Variants in TEKT1 observed in about 807,000 individuals in gnomAD.
TEKT1 encodes the protein tektin 1, also known as tektin-1.
TEKT1 carries 32 observed loss-of-function variants against 34.8 expected under a neutral mutation model. The observed-to-expected ratio is 0.92, with a 90% CI of 0.69 to 1.23. The LOEUF (loss-of-function observed/expected upper bound fraction) is 1.23. TEKT1 is among the 50% of genes most tolerant of loss of function. The pLI is 0.00. For missense variants in TEKT1, 492 were observed against 518.5 expected, an observed-to-expected ratio of 0.95 and a Z score of 0.50; for synonymous variants, 207 against 199.8, an observed-to-expected ratio of 1.04 and a Z score of -0.30.
chr17:6,820,701 C>G (rs143809683), intron 2 of TEKT1, among the ~76,000 whole-genome samples: 121 of 152,242 alleles, frequency 7.9e-4, no homozygotes, highest in Middle Eastern at 3.4e-3. Flanking sequence ...GAGTTGCTCT[C>G]TAGTTTGCTG....
chr17:6,812,258 A>G (rs1464411751), intron 6 of TEKT1, among the ~76,000 whole-genome samples: 2 of 152,028 alleles, frequency 1.3e-5, no homozygotes, highest in African/African-American at 4.8e-5. Flanking sequence ...AGTCAATTAA[A>G]CCTCTTTCCT....
At position 6,811,323 on chromosome 17, in the gene TEKT1, TG is replaced by T. The variant is rs1976925393; in HGVS notation, c.852+1507del. ...TATGCAAAATGTGTGTGTGTGTGTGTGTGTGTGTGTGAAATGTATACATGCC... is the reference window on the plus strand; with the variant it reads ...TATGCAAAATGTGTGTGTGTGTGTGTTGTGTGTGTGAAATGTATACATGCC... On this transcript the variant is annotated intron_variant, in intron 6 of 7. Coordinates refer to ENST00000338694, the MANE Select transcript of TEKT1 (RefSeq NM_053285.2). The surrounding 1 kb of genome is among the most constrained non-coding windows in gnomAD (Gnocchi z 4.4). 2.0e-5 allele frequency among the ~76,000 whole-genome samples: 3 copies of T among 152,086 alleles called. No individual in the cohort carries two copies. The highest frequency in any genetic ancestry group is 2.0e-4 in the Admixed American group (3 of 15,266).
At chr17:6,815,742 T>C in intron 4 of TEKT1, 92 bp downstream of exon 4, 1 of 1,560,484 alleles carries the variant, frequency 6.4e-7, no homozygotes, top group Non-Finnish European at 8.7e-7. Context: ...TTGAACCCCT[T>C]TCTTTCTGTG....
intron 4 of TEKT1, among the ~76,000 whole-genome samples, 189 bp downstream of exon 4, chr17:6,815,643 CAG>C (rs1828284321): frequency 6.6e-6 from 1 of 152,182 alleles, no homozygotes; most frequent in Admixed American, 6.5e-5. Context: ...CCACCCTTAC[CAG>C]AGGGCGGCTG....
At chr17:6,815,996 C>A (rs370816467) in intron 3 of TEKT1, 34 bp from the exon 4 acceptor site, 2 of 1,611,596 alleles carry the variant, frequency 1.2e-6, no homozygotes, top group East Asian at 4.5e-5. Context: ...TCAGCCAACA[C>A]GTGCAACATG....
At chr17:6,803,093 T>C (rs1001984215) in intron 6 of TEKT1, among the ~76,000 whole-genome samples, 1 of 152,068 alleles carries the variant, frequency 6.6e-6, no homozygotes, top group African/African-American at 2.4e-5. Context: ...AAAGTGTTCC[T>C]ATTTCTCCAC....
chr17:6,810,714 A>C (rs945380142), intron 6 of TEKT1, among the ~76,000 whole-genome samples: 1 of 152,150 alleles, frequency 6.6e-6, no homozygotes, highest in Non-Finnish European at 1.5e-5. Flanking sequence ...ATGTATCACC[A>C]TACAGTGACA....
At chr17:6,814,281 A>T (rs528362051) in intron 5 of TEKT1, among the ~76,000 whole-genome samples, 1 of 152,354 alleles carries the variant, frequency 6.6e-6, no homozygotes, top group South Asian at 2.1e-4. Flanking sequence ...ACAGCAAAAG[A>T]TAACTAACAC....
rs1045445849 is a variant in TEKT1, at chr17:6,811,927, A to C, written c.852+904T>G. 6.6e-6 allele frequency among the ~76,000 whole-genome samples: 1 copy of C among 152,116 alleles called. No individual in the cohort carries two copies. Among genetic ancestry groups the C allele is most frequent in the African/African-American group, 2.4e-5 (1 of 41,430 alleles). On this transcript the variant is annotated intron_variant, in intron 6 of 7. Coordinates refer to ENST00000338694, the MANE Select transcript of TEKT1 (RefSeq NM_053285.2). This position sits in a 1 kb window ranked among gnomAD's most constrained non-coding sequence, Gnocchi z 4.4. ...CGATATCTGTGGTACAAATGCTCCC[A>C]CTTTGTATTTGCAGTACAAATACTA...
intron 6 of TEKT1, among the ~76,000 whole-genome samples, chr17:6,810,530 A>G (rs574796186): frequency 5.3e-5 from 8 of 152,330 alleles, no homozygotes; most frequent in Admixed American, 2.0e-4. Context: ...AATGCCCATA[A>G]ATAAAGCTGT....
chr17:6,815,023 A>G, intron 5 of TEKT1, 140 bp downstream of exon 5: 4 of 1,024,684 alleles, frequency 3.9e-6, no homozygotes, highest in Non-Finnish European at 5.7e-6. Flanking sequence ...CCCAATGTCA[A>G]GGTCACCATT....
chr17:6,828,107 A>G (rs1390200735), intron 2 of TEKT1, among the ~76,000 whole-genome samples: 1 of 151,664 alleles, frequency 6.6e-6, no homozygotes, highest in Non-Finnish European at 1.5e-5. Context: ...ACCATGCCCC[A>G]CTAATTTTTT....
intron 6 of TEKT1, among the ~76,000 whole-genome samples, chr17:6,803,095 T>C (rs1335748927): frequency 6.6e-6 from 1 of 152,054 alleles, no homozygotes; most frequent in East Asian, 1.9e-4. Flanking sequence ...AGTGTTCCTA[T>C]TTCTCCACAT....
rs1273790049 is a variant in TEKT1, at chr17:6,808,122, G to A, written c.852+4709C>T. On this transcript the variant is annotated intron_variant, in intron 6 of 7. Coordinates refer to ENST00000338694, the MANE Select transcript of TEKT1 (RefSeq NM_053285.2). ...AGCTGCAGTGGGCTCCACCCAGTTC[G>A]AGCTTCAGGGCTGCTTTGTTTACCT... is the stretch of plus-strand genomic sequence containing the variant. Among the ~76,000 whole-genome samples, 7 of 152,134 alleles carry A rather than the reference G, an allele frequency of 4.6e-5. No homozygotes were observed. The East Asian group carries it at 5.8e-4, about 13-fold the overall frequency.
intron 4 of TEKT1, 93 bp from the exon 5 acceptor site, chr17:6,815,399 AGGTCT>A: frequency 6.7e-7 from 1 of 1,482,200 alleles, no homozygotes; most frequent in Non-Finnish European, 9.4e-7. Context: ...AGCTGCAGCT[AGGTCT>A]GGTGCAGGAT....
rs1976723680 is a variant in TEKT1, at chr17:6,798,470, C to T, written c.*1557G>A. ...GCTGGGAAGGCTTATTTGGACTCTT[C>T]CGAGCCAGAGCAGAAAAGCACCCAG... On this transcript the variant is annotated 3_prime_UTR_variant, in exon 8 of 8. Coordinates refer to ENST00000338694, the MANE Select transcript of TEKT1 (RefSeq NM_053285.2). 1 of 152,262 alleles carries T rather than the reference C, an allele frequency of 6.6e-6. No individual in the cohort carries two copies. The highest frequency in any genetic ancestry group is 2.4e-5 in the African/African-American group (1 of 41,454). 9.4% of individuals were successfully genotyped at this position (152,262 alleles called of 1,614,324 possible).
At chr17:6,806,051 A>G (rs1308053363) in intron 6 of TEKT1, among the ~76,000 whole-genome samples, 1 of 152,084 alleles carries the variant, frequency 6.6e-6, no homozygotes, top group Non-Finnish European at 1.5e-5. Flanking sequence ...TGATCTGTCT[A>G]ATGTTGACAG....
At chr17:6,820,993 T>G (rs1033187280) in intron 2 of TEKT1, among the ~76,000 whole-genome samples, 4 of 152,228 alleles carry the variant, frequency 2.6e-5, no homozygotes, top group African/African-American at 9.7e-5. Flanking sequence ...ATTGTGATTG[T>G]GTCCCTCCAT....
chr17:6,817,914 C>T (rs1219491732), intron 3 of TEKT1, among the ~76,000 whole-genome samples: 5 of 152,186 alleles, frequency 3.3e-5, no homozygotes, highest in Non-Finnish European at 7.3e-5. Context: ...AGACTTGAGC[C>T]AACTGGGTGT....
Sources: allele counts gnomAD v4.1 joint callset (sites outside exome capture counted in the v4.1 genomes callset), GRCh38; gene constraint gnomAD v4.1.1; non-coding constraint Gnocchi (gnomAD v3.1); transcripts MANE v1.5; gene names NCBI Gene and HGNC (gene_info 2026-07-23, HGNC 2026-07-21).